CFAP69: variants seen among roughly 807,000 people sequenced by gnomAD.
CFAP69 encodes cilia and flagella associated protein 69.
A neutral mutation model predicts 123.0 loss-of-function variants in CFAP69; 92 were observed. The ratio of observed to expected loss-of-function variants is 0.75; its 90% CI spans 0.63 to 0.89. CFAP69 has a LOEUF of 0.89. CFAP69 is among the 40% of genes least tolerant of loss of function. The pLI is 0.00. For missense variants in CFAP69, 1,067 were observed against 1,096.9 expected (o/e 0.97, Z 0.39); for synonymous variants, 380 against 364.3 (o/e 1.04, Z -0.49).
At chr7:90,278,073 C>G (rs1584430295) in intron 11 of CFAP69, among the ~76,000 whole-genome samples, 1 of 152,024 alleles carries the variant, frequency 6.6e-6, no homozygotes, top group East Asian at 1.9e-4. Flanking sequence ...AGTGAAATTT[C>G]CATTTAATCT....
At chr7:90,278,663 G>A (rs1313168836) in intron 11 of CFAP69, among the ~76,000 whole-genome samples, 1 of 152,044 alleles carries the variant, frequency 6.6e-6, no homozygotes, top group Non-Finnish European at 1.5e-5. Flanking sequence ...ATTATGGTGA[G>A]GAGCTTCTTA....
intron 11 of CFAP69, 21 bp from the exon 12 acceptor site, chr7:90,279,656 A>T (rs539585285): frequency 1.4e-6 from 2 of 1,481,400 alleles, no homozygotes; most frequent in African/African-American, 1.4e-5. Flanking sequence ...CTAACAAAGT[A>T]TCCTTTGTTC....
At position 90,300,021 on chromosome 7, in the gene CFAP69, A is replaced by G. The variant is rs770233517; in HGVS notation, c.2012A>G (p.Glu671Gly). 1 of 1,606,846 alleles carries G rather than the reference A, an allele frequency of 6.2e-7. No homozygotes were observed. The highest frequency in any genetic ancestry group is 8.5e-7 in the Non-Finnish European group (1 of 1,176,994). The change falls in exon 17 of 23, where the codon GAA becomes GGA. Residue 671 changes from glutamate to glycine, a missense_variant. Transcript: ENST00000389297. ...LIKLWRKEEK[E>G]LGVKRDKNGK... Reference sequence around the variant, plus strand: ...AAATTGTGGAGAAAGGAGGAAAAAGAACTAGGAGTAAAACGTGATAAAAAT... The same window carrying G: ...AAATTGTGGAGAAAGGAGGAAAAAGGACTAGGAGTAAAACGTGATAAAAAT...
chr7:90,259,634 G>A (rs909241579), intron 3 of CFAP69, among the ~76,000 whole-genome samples: 1 of 151,992 alleles, frequency 6.6e-6, no homozygotes, highest in Admixed American at 6.6e-5. Flanking sequence ...GGGACTACAG[G>A]AATGCACCCA....
intron 1 of CFAP69, among the ~76,000 whole-genome samples, chr7:90,247,008 T>C (rs1265499019): frequency 6.6e-6 from 1 of 152,206 alleles, no homozygotes; most frequent in Non-Finnish European, 1.5e-5. Context: ...AAGCAATCAA[T>C]TTGCATTAAT....
chr7:90,284,536 A>G (rs1789972965), intron 13 of CFAP69, among the ~76,000 whole-genome samples: 3 of 152,226 alleles, frequency 2.0e-5, no homozygotes, highest in Admixed American at 1.3e-4. Context: ...TAGAAACTAC[A>G]TGTATCATAG....
intron 14 of CFAP69, among the ~76,000 whole-genome samples, chr7:90,287,085 GAAA>G (rs34727700): frequency 1.3e-3 from 137 of 107,288 alleles, no homozygotes; most frequent in East Asian, 3.1e-3. Flanking sequence ...GACTCCATCT[GAAA>G]AAAAAAAAAA....
intron 19 of CFAP69, among the ~76,000 whole-genome samples, chr7:90,306,117 G>C (rs1004899178): frequency 3.7e-4 from 56 of 150,640 alleles, no homozygotes; most frequent in African/African-American, 1.2e-3. Flanking sequence ...TTTTTATTGG[G>C]GGGGGGCGGG....
chr7:90,304,711 A>G (rs747823780), intron 18 of CFAP69, 33 bp from the exon 19 acceptor site: 7 of 1,588,670 alleles, frequency 4.4e-6, no homozygotes, highest in Non-Finnish European at 6.0e-6. Flanking sequence ...TTGCTCTGCT[A>G]AAGTAATTCT....
the CFAP69 span, chr7:90,318,297 A>G: frequency 2.6e-5 from 4 of 152,112 alleles, no homozygotes; most frequent in Admixed American, 2.6e-4. Context: ...AAAATAACTC[A>G]GCTAACACAA....
At chr7:90,267,769 G>A (rs1281089729) in intron 5 of CFAP69, among the ~76,000 whole-genome samples, 9 of 152,112 alleles carry the variant, frequency 5.9e-5, no homozygotes, top group Non-Finnish European at 8.8e-5. Context: ...CCTCTAGTTA[G>A]GGAGAAAAAT....
chr7:90,300,426 A>G, intron 17 of CFAP69: 2 of 846,712 alleles, frequency 2.4e-6, no homozygotes, highest in Non-Finnish European at 2.8e-6. Context: ...TATTTTATAC[A>G]TTTCTGTTCA....
the CFAP69 span, among the ~76,000 whole-genome samples, chr7:90,320,200 A>G: frequency 6.6e-6 from 1 of 152,222 alleles, no homozygotes; most frequent in Non-Finnish European, 1.5e-5. Flanking sequence ...CATAGGAAGT[A>G]TTTTGTTGTT....
intron 1 of CFAP69, among the ~76,000 whole-genome samples, chr7:90,248,599 A>G (rs1480454563): frequency 1.3e-5 from 2 of 152,096 alleles, no homozygotes; most frequent in Non-Finnish European, 2.9e-5. Flanking sequence ...GGAAAACAAT[A>G]GTTTAGGAAT....
chr7:90,254,871 C>A (rs2116628428), intron 1 of CFAP69, among the ~76,000 whole-genome samples: 1 of 152,114 alleles, frequency 6.6e-6, no homozygotes, highest in South Asian at 2.1e-4. Flanking sequence ...CAGCAGGAAC[C>A]CCTTGAAATT....
intron 6 of CFAP69, among the ~76,000 whole-genome samples, chr7:90,268,638 A>C (rs1799504684): frequency 6.6e-6 from 1 of 152,184 alleles, no homozygotes; most frequent in Admixed American, 6.5e-5. Context: ...TAGTTTATTA[A>C]TAATTATAAA....
At position 90,288,324 on chromosome 7, in the gene CFAP69, C is replaced by G. The variant is rs1790603113; in HGVS notation, c.1747C>G (p.Leu583Val). 6.2e-7 allele frequency: 1 copy of G among 1,611,202 alleles called. No homozygotes were observed. The change falls in exon 15 of 23, where the codon CTT becomes GTT. Residue 583 changes from leucine to valine, a missense_variant. Leu to Val is a conservative substitution (Grantham distance 32). Transcript: ENST00000389297. ...KLQSGLGYNV[L>V]LFSTLDSIWC... ...ACAGAGTGGCTTAGGCTATAATGTACTTCTTTTTAGTACATTGGACAGCAT... is the reference window on the plus strand; with the variant it reads ...ACAGAGTGGCTTAGGCTATAATGTAGTTCTTTTTAGTACATTGGACAGCAT...
chr7:90,262,522 A>T (rs1388293906), intron 4 of CFAP69, among the ~76,000 whole-genome samples: 2 of 152,126 alleles, frequency 1.3e-5, no homozygotes, highest in African/African-American at 2.4e-5. Context: ...TATATATTTT[A>T]AAAATGTAAG....
rs772434194 is a variant in CFAP69, at chr7:90,271,607, C to G, written c.614C>G (p.Thr205Ser). 6.2e-7 allele frequency: 1 copy of G among 1,613,594 alleles called. No individual in the cohort carries two copies. The highest frequency in any genetic ancestry group is 1.1e-5 in the South Asian group (1 of 91,042). Residue 205 changes from threonine (T) to serine (S), a missense_variant, in exon 7 of 23, where the codon ACC becomes AGC. Transcript: ENST00000389297. ...GCAAAAACAATGGTCCAGTCAATGA[C>G]CTTGCTTGAAAATCAACTTGTTGAG... Reference protein sequence around the residue: ...GLAKTMVQSMTLLENQLVEKL... With the variant: ...GLAKTMVQSMSLLENQLVEKL...
Sources: gnomAD v4.1 joint callset for allele counts (sites outside exome capture counted in the v4.1 genomes callset) on GRCh38, gnomAD v4.1.1 for gene constraint, MANE v1.5 for transcripts, NCBI Gene and HGNC (gene_info 2026-07-23, HGNC 2026-07-21) for gene names.